Variants in ZFAND3 observed in about 807,000 individuals in gnomAD.
The protein encoded by ZFAND3 is zinc finger AN1-type containing 3, also known as AN1-type zinc finger protein 3.
In ZFAND3, 10 loss-of-function variants were observed where a neutral mutation model predicts 29.6. The observed-to-expected ratio is 0.34, with a 90% confidence interval of 0.21 to 0.57. The LOEUF (loss-of-function observed/expected upper bound fraction) is 0.57. Among genes scored for constraint, ZFAND3 ranks in the 20% least tolerant of loss-of-function variants. The pLI is 0.86. For missense variants in ZFAND3, 230 were observed against 304.5 expected, an observed-to-expected ratio of 0.76 and a Z score of 1.82; for synonymous variants, 128 against 112.6, an observed-to-expected ratio of 1.14 and a Z score of -0.87.
At chr6:38,038,206 C>A (rs1023664698) in intron 2 of ZFAND3, among the ~76,000 whole-genome samples, 1 of 152,156 alleles carries the variant, frequency 6.6e-6, no homozygotes, top group Non-Finnish European at 1.5e-5. Context: ...ATATTGAATA[C>A]CCTAAAAGTA....
chr6:38,111,359 T>C lies in ZFAND3; in HGVS notation c.362-5213T>C, dbSNP rs368856573. Among the ~76,000 whole-genome samples the C allele has an allele frequency of 2.9e-3, 438 of 152,350 alleles. 2 individuals are homozygous for C. Among genetic ancestry groups the C allele is most frequent in the Non-Finnish European group, 4.8e-3 (324 of 68,040 alleles). On this transcript the variant is annotated intron_variant, in intron 4 of 5. Transcript: ENST00000287218. ...TGTCATTATTCCCTAAATAATACAG[T>C]ATAACAACTATTTACATAGTGTTTA...
At chr6:37,913,449 A>G (rs1765558263) in intron 1 of ZFAND3, among the ~76,000 whole-genome samples, 1 of 152,178 alleles carries the variant, frequency 6.6e-6, no homozygotes, top group South Asian at 2.1e-4. Context: ...AGTGATTCAT[A>G]TCTTCAGGCT....
intron 2 of ZFAND3, among the ~76,000 whole-genome samples, chr6:37,951,153 A>G (rs1382336568): frequency 6.6e-6 from 1 of 152,116 alleles, no homozygotes; most frequent in Non-Finnish European, 1.5e-5. Context: ...ATGGGATTGC[A>G]GTCTTGATTT....
chr6:37,869,451 C>T (rs770764895), intron 1 of ZFAND3, among the ~76,000 whole-genome samples: 6 of 152,026 alleles, frequency 3.9e-5, no homozygotes, highest in Non-Finnish European at 8.8e-5. Context: ...AGCCACCGTG[C>T]CTGGCCGTTA....
intron 2 of ZFAND3, among the ~76,000 whole-genome samples, chr6:37,960,086 A>G (rs1762166513): frequency 6.6e-6 from 1 of 152,230 alleles, no homozygotes; most frequent in Non-Finnish European, 1.5e-5. Flanking sequence ...ATGTGTTCTG[A>G]AATCTTCAAG....
intron 2 of ZFAND3, among the ~76,000 whole-genome samples, chr6:37,941,015 T>C (rs1429995402): frequency 3.3e-5 from 5 of 152,228 alleles, no homozygotes; most frequent in African/African-American, 1.2e-4. Flanking sequence ...GTAACTAAGA[T>C]TGCTGCAGCC....
intron 2 of ZFAND3, among the ~76,000 whole-genome samples, chr6:38,005,223 T>C (rs544301649): frequency 1.3e-5 from 2 of 152,320 alleles, no homozygotes; most frequent in African/African-American, 2.4e-5. Flanking sequence ...TATTGGGCTC[T>C]GTTATGGGCA....
chr6:37,887,999 A>G (rs1765026186), intron 1 of ZFAND3, among the ~76,000 whole-genome samples: 1 of 152,238 alleles, frequency 6.6e-6, no homozygotes, highest in African/African-American at 2.4e-5. Flanking sequence ...GAAGGCATTC[A>G]TAGACTCTTC....
chr6:37,874,910 A>G (rs1420205569), intron 1 of ZFAND3, among the ~76,000 whole-genome samples: 1 of 152,152 alleles, frequency 6.6e-6, no homozygotes, highest in African/African-American at 2.4e-5. Context: ...GCTGAAAAAT[A>G]TGGCTAAAGG....
intron 1 of ZFAND3, among the ~76,000 whole-genome samples, chr6:37,916,607 C>G (rs1225172397): frequency 6.6e-6 from 1 of 152,302 alleles, no homozygotes; most frequent in African/African-American, 2.4e-5. Context: ...TTGCAGTGAG[C>G]TGAGATTGCG....
chr6:37,857,884 C>A (rs1436534555), intron 1 of ZFAND3, among the ~76,000 whole-genome samples: 1 of 152,094 alleles, frequency 6.6e-6, no homozygotes, highest in Non-Finnish European at 1.5e-5. Flanking sequence ...TCAGATAGAC[C>A]TTTTAGGGTT....
At chr6:37,863,382 C>T (rs1408054418) in intron 1 of ZFAND3, among the ~76,000 whole-genome samples, 4 of 152,208 alleles carry the variant, frequency 2.6e-5, no homozygotes, top group Admixed American at 1.3e-4. Context: ...GTAGGTTCCT[C>T]AAGTCCCTTT....
intron 2 of ZFAND3, among the ~76,000 whole-genome samples, chr6:37,966,348 G>A (rs1449668378): frequency 6.6e-6 from 1 of 152,166 alleles, no homozygotes; most frequent in Non-Finnish European, 1.5e-5. Context: ...TATTTTCAGA[G>A]AAATTAGAAT....
At chr6:37,919,419 A>T (rs939801806) in intron 1 of ZFAND3, among the ~76,000 whole-genome samples, 5 of 152,248 alleles carry the variant, frequency 3.3e-5, no homozygotes, top group African/African-American at 1.2e-4. Flanking sequence ...ATGTCTGCAC[A>T]GACATCAGAC....
intron 2 of ZFAND3, among the ~76,000 whole-genome samples, chr6:37,942,810 T>G (rs1761835146): frequency 1.3e-5 from 2 of 152,166 alleles, no homozygotes; most frequent in Non-Finnish European, 2.9e-5. Context: ...TTATTGTATT[T>G]GCATCTACCC....
At chr6:38,046,556 A>G (rs1763908243) in intron 2 of ZFAND3, among the ~76,000 whole-genome samples, 1 of 152,240 alleles carries the variant, frequency 6.6e-6, no homozygotes, top group South Asian at 2.1e-4. Context: ...GTTCATTCCT[A>G]AGAAGGGCTT....
rs555578811 is a variant in ZFAND3 at position 38,052,975 on chromosome 6, A to C, written c.113-8618A>C. On this transcript the variant is annotated intron_variant, in intron 2 of 5. Coordinates refer to ENST00000287218, the MANE Select transcript of ZFAND3 (RefSeq NM_021943.3). ...CTCGAACCCGGGAGGCGGAGGTTGC[A>C]GTAAGCCAAGATCGTGCCACTGCAC... Among the ~76,000 whole-genome samples, 9 of 151,842 alleles carry C rather than the reference A, an allele frequency of 5.9e-5. No individual in the cohort carries two copies. The East Asian group carries it at 1.8e-3, about 30-fold the overall frequency.
At position 37,924,269 on chromosome 6, in the gene ZFAND3, TGTTTGAC is replaced by T. The variant is rs754571289; in HGVS notation, c.72-5689_72-5683del. On this transcript the variant is annotated intron_variant, in intron 1 of 5. Coordinates refer to ENST00000287218, the MANE Select transcript of ZFAND3 (RefSeq NM_021943.3). ...TGTGGAGAACCTGTCTTCTAGCTGG[TGTTTGAC>T]CTCTACAAAATACATTTCAAATATC... 8.4e-3 allele frequency among the ~76,000 whole-genome samples: 735 copies of T among 87,160 alleles called. 2 individuals are homozygous for T. Among genetic ancestry groups the T allele is most frequent in the Non-Finnish European group, 0.017 (455 of 27,324 alleles). 57.2% of individuals were successfully genotyped at this position (87,160 alleles called of 152,430 possible).
chr6:37,984,722 C>G (rs1333138831), intron 2 of ZFAND3, among the ~76,000 whole-genome samples: 1 of 152,220 alleles, frequency 6.6e-6, no homozygotes, highest in Non-Finnish European at 1.5e-5. Flanking sequence ...CCAGTACTCT[C>G]ATCTATAAGA....
Sources: gnomAD v4.1 joint callset for allele counts (sites outside exome capture counted in the v4.1 genomes callset) on GRCh38, gnomAD v4.1.1 for gene constraint, MANE v1.5 for transcripts, NCBI Gene and HGNC (gene_info 2026-07-23, HGNC 2026-07-21) for gene names.